PAK2: variants seen among roughly 807,000 people sequenced by gnomAD.
PAK2 encodes p21 (RAC1) activated kinase 2.
A neutral mutation model predicts 65.9 loss-of-function variants in PAK2; 21 were observed. That is an observed-to-expected ratio of 0.32 (90% CI 0.23 to 0.46). PAK2 has a LOEUF of 0.46. PAK2 is among the 20% of genes least tolerant of loss of function. The pLI, the probability that PAK2 is intolerant of heterozygous loss-of-function variation, is 1.00. For missense variants in PAK2, 324 were observed against 642.6 expected (o/e 0.50, Z 5.36); for synonymous variants, 204 against 219.7 (o/e 0.93, Z 0.63).
chr3:196,828,133 T>C (rs1241638403), intron 14 of PAK2, among the ~76,000 whole-genome samples, 186 bp from the exon 15 acceptor site: 3 of 152,266 alleles, frequency 2.0e-5, no homozygotes, highest in Admixed American at 6.5e-5. Flanking sequence ...ACTAAAATGA[T>C]TCTGCTTTCA....
Position 196,778,870 on chromosome 3 carries a change from T to C in PAK2, c.-21-3756T>C, listed in dbSNP as rs185215380. Among the ~76,000 whole-genome samples, 4 of 152,322 alleles carry C rather than the reference T, an allele frequency of 2.6e-5. No individual in the cohort carries two copies. The East Asian group carries it at 7.7e-4, about 29-fold the overall frequency. ...TCTGGTGTTTTTCTCGTGATTAGGC[T>C]GGGGCTGTGGGTTTGGGGGAAGAAT... is the stretch of plus-strand genomic sequence containing the variant. On this transcript the variant is annotated intron_variant, in intron 1 of 14. Coordinates refer to ENST00000327134, the MANE Select transcript of PAK2 (RefSeq NM_002577.4).
At chr3:196,817,847 T>A (rs1303091885) in intron 11 of PAK2, among the ~76,000 whole-genome samples, 2 of 152,106 alleles carry the variant, frequency 1.3e-5, no homozygotes, top group African/African-American at 2.4e-5. Context: ...TTTTAAAAAA[T>A]TTTATTTTCT....
intron 2 of PAK2, among the ~76,000 whole-genome samples, chr3:196,796,570 G>A (rs1329170444): frequency 6.6e-6 from 1 of 152,158 alleles, no homozygotes; most frequent in African/African-American, 2.4e-5. Context: ...ATTTCAACAG[G>A]TGAACATGAT....
At chr3:196,793,538 G>A (rs527656362) in intron 2 of PAK2, among the ~76,000 whole-genome samples, 16 of 152,152 alleles carry the variant, frequency 1.1e-4, no homozygotes, top group East Asian at 3.9e-4. Flanking sequence ...AGGATCACCC[G>A]ACATTTATGA....
intron 7 of PAK2, among the ~76,000 whole-genome samples, chr3:196,809,546 G>C (rs573529352): frequency 1.3e-5 from 2 of 150,528 alleles, no homozygotes; most frequent in South Asian, 2.1e-4. Flanking sequence ...GTTTCACCAT[G>C]TTGGCTGGGC....
At chr3:196,825,142 T>C (rs1711798604) in intron 13 of PAK2, among the ~76,000 whole-genome samples, 1 of 148,168 alleles carries the variant, frequency 6.7e-6, no homozygotes, top group African/African-American at 2.5e-5. Flanking sequence ...GGTTAGGAGT[T>C]TGAGACCAGC....
At chr3:196,825,726 C>T (rs1169809464) in intron 13 of PAK2, among the ~76,000 whole-genome samples, 1 of 152,032 alleles carries the variant, frequency 6.6e-6, no homozygotes, top group Admixed American at 6.6e-5. Context: ...TAAGGATTTT[C>T]TAAAGGGAGT....
At chr3:196,789,244 G>A (rs923255429) in intron 2 of PAK2, among the ~76,000 whole-genome samples, 1 of 152,150 alleles carries the variant, frequency 6.6e-6, no homozygotes, top group African/African-American at 2.4e-5. Context: ...TACAGCTAGA[G>A]TTGGATGGTA....
intron 1 of PAK2, among the ~76,000 whole-genome samples, chr3:196,741,825 G>A (rs980128288): frequency 2.0e-5 from 3 of 151,608 alleles, no homozygotes; most frequent in African/African-American, 7.3e-5. Flanking sequence ...TTTGAAACTT[G>A]GTCTGTAGAT....
intron 2 of PAK2, among the ~76,000 whole-genome samples, chr3:196,792,968 A>G (rs183298572): frequency 6.6e-6 from 1 of 152,310 alleles, no homozygotes; most frequent in East Asian, 1.9e-4. Flanking sequence ...GCAGAGGGGA[A>G]TCTGTGAGAA....
At chr3:196,762,504 G>A (rs1434562330) in intron 1 of PAK2, among the ~76,000 whole-genome samples, 1 of 150,906 alleles carries the variant, frequency 6.6e-6, no homozygotes, top group Non-Finnish European at 1.5e-5. Context: ...AGACCGGCCC[G>A]GCCAACACAG....
chr3:196,768,027 C>T (rs1219400086), intron 1 of PAK2, among the ~76,000 whole-genome samples: 1 of 151,988 alleles, frequency 6.6e-6, no homozygotes, highest in Admixed American at 6.6e-5. Context: ...CCTCTTGGTT[C>T]ACATAGTGGT....
intron 8 of PAK2, among the ~76,000 whole-genome samples, chr3:196,811,870 G>A (rs1715838649): frequency 6.6e-6 from 1 of 152,058 alleles, no homozygotes; most frequent in East Asian, 1.9e-4. Context: ...TTGGGAGGAA[G>A]GAGACTGCTG....
chr3:196,762,026 G>T (rs1223066879), intron 1 of PAK2, among the ~76,000 whole-genome samples: 1 of 127,866 alleles, frequency 7.8e-6, no homozygotes, highest in African/African-American at 3.0e-5. Context: ...CAGACGGGGC[G>T]GCCGGGCAGA....
chr3:196,807,681 A>T, intron 6 of PAK2, 101 bp from the exon 7 acceptor site: 1 of 672,428 alleles, frequency 1.5e-6, no homozygotes, highest in Non-Finnish European at 2.7e-6. Context: ...GGAAAAGACT[A>T]CTTAGTTCAG....
intron 1 of PAK2, among the ~76,000 whole-genome samples, chr3:196,755,081 G>T (rs1443890238): frequency 6.6e-6 from 1 of 152,178 alleles, no homozygotes; most frequent in Non-Finnish European, 1.5e-5. Flanking sequence ...ATCCTTCAAA[G>T]ATCTCATATA....
intron 1 of PAK2, among the ~76,000 whole-genome samples, chr3:196,766,312 C>T (rs1443545100): frequency 6.6e-6 from 1 of 152,076 alleles, no homozygotes; most frequent in Non-Finnish European, 1.5e-5. Context: ...GAGGCATAAC[C>T]TATAAATAAT....
Position 196,782,720 on chromosome 3 carries a change from C to A in PAK2, c.74C>A (p.Thr25Asn), listed in dbSNP as rs148812897. ...CGAATGAGCAGCACCATCTTTAGCA[C>A]TGGAGGCAAAGACCCTTTGTCAGCC... ...PVRMSSTIFS[T>N]GGKDPLSANH... is the part of the protein sequence containing the mutation. Residue 25 changes from threonine to asparagine, a missense_variant, in exon 2 of 15, where the codon ACT becomes AAT. Transcript: ENST00000327134. The A allele has an allele frequency of 6.2e-7, 1 of 1,612,198 alleles. No individual in the cohort carries two copies. The highest frequency in any genetic ancestry group is 8.5e-7 in the Non-Finnish European group (1 of 1,178,242).
intron 1 of PAK2, among the ~76,000 whole-genome samples, chr3:196,761,429 C>A (rs182511733): frequency 1.5e-5 from 1 of 66,154 alleles, no homozygotes; most frequent in Non-Finnish European, 3.0e-5. Flanking sequence ...TCCATTTAAC[C>A]CTGAGTGGAC....
Sources: allele counts gnomAD v4.1 joint callset (sites outside exome capture counted in the v4.1 genomes callset), GRCh38; gene constraint gnomAD v4.1.1; transcripts MANE v1.5; gene names NCBI Gene and HGNC (gene_info 2026-07-23, HGNC 2026-07-21).